The following UBAP2L variants were observed in gnomAD, a reference collection of about 807,000 sequenced individuals.
The protein encoded by UBAP2L is ubiquitin associated protein 2 like.
In UBAP2L, 12 loss-of-function variants were observed where a neutral mutation model predicts 130.6. The ratio of observed to expected loss-of-function variants is 0.09; its 90% CI spans 0.06 to 0.15. UBAP2L has a LOEUF of 0.15. Among genes scored for constraint, UBAP2L ranks in the 10% least tolerant of loss-of-function variants. The pLI, the probability that UBAP2L is intolerant of heterozygous loss-of-function variation, is 1.00. For synonymous variants in UBAP2L, 503 were observed against 524.7 expected, an observed-to-expected ratio of 0.96 and a Z score of 0.57; for missense variants, 965 against 1,332.5, an observed-to-expected ratio of 0.72 and a Z score of 4.29.
At chr1:154,229,702 T>C (rs1021795115) in intron 4 of UBAP2L, among the ~76,000 whole-genome samples, 1 of 152,118 alleles carries the variant, frequency 6.6e-6, no homozygotes, top group Non-Finnish European at 1.5e-5. Flanking sequence ...GGACTCAAGC[T>C]AGCTGCCCGC....
rs1190011348 is a variant in UBAP2L, at chr1:154,259,126, A to G, written c.2496+96A>G. The G allele has an allele frequency of 5.5e-6, 6 of 1,098,578 alleles. No homozygotes were observed. In the Admixed American group the frequency reaches 1.0e-4, roughly 19 times the overall value. The allele number at this position is 1,098,578 out of a possible 1,614,324, so 68.1% of individuals were successfully genotyped here. A position where few individuals can be genotyped will look rare whatever the true frequency, so the allele number is the denominator to read the frequency against. On this transcript the variant is annotated intron_variant, in intron 21 of 26. Transcript: ENST00000428931. ...CACAGACATAGCTCTTTCCCATCCCAGCCCTCCATACACTCTGATTTAAGG... is the reference window on the plus strand; with the variant it reads ...CACAGACATAGCTCTTTCCCATCCCGGCCCTCCATACACTCTGATTTAAGG...
intron 4 of UBAP2L, among the ~76,000 whole-genome samples, chr1:154,233,590 T>A (rs944024369): frequency 3.3e-5 from 5 of 149,414 alleles, no homozygotes; most frequent in Admixed American, 1.3e-4. Context: ...CCCAAAGTGC[T>A]GGGATTACAG....
intron 21 of UBAP2L, among the ~76,000 whole-genome samples, chr1:154,259,430 G>A (rs111394352): frequency 2.6e-5 from 4 of 151,694 alleles, no homozygotes; most frequent in African/African-American, 9.7e-5. Context: ...CTGACCTTAT[G>A]ATCCACCCGC....
In UBAP2L at chr1:154,234,729, C is replaced by T. The variant is rs771701488; in HGVS notation, c.418C>T (p.Arg140Trp). 9 of 1,608,682 alleles carry T rather than the reference C, an allele frequency of 5.6e-6. No homozygotes were observed. The highest frequency in any genetic ancestry group is 3.4e-5 in the Admixed American group (2 of 59,014). ...TCGGCGACGTGGTGGGCCACCAAGA[C>T]GGGGGAGAGGTGCCAGCCGTGGACG... ...YSRRRGGPPR[R>W]GRGASRGREF... Residue 140 changes from arginine (R) to tryptophan (W), a missense_variant, in exon 5 of 27, where the codon CGG (arginine) becomes TGG (tryptophan). Transcript: ENST00000428931.
chr1:154,250,911 C>A, intron 12 of UBAP2L, 130 bp from the exon 13 acceptor site: 2 of 944,826 alleles, frequency 2.1e-6, no homozygotes, highest in East Asian at 2.5e-5. Flanking sequence ...AGATTAAGCC[C>A]CAAAAGAGGG....
At chr1:154,223,687 TAAAA>T (rs1201196497) in intron 1 of UBAP2L, among the ~76,000 whole-genome samples, 6 of 152,144 alleles carry the variant, frequency 3.9e-5, no homozygotes, top group African/African-American at 1.4e-4. Flanking sequence ...GAAGCTACCT[TAAAA>T]AAATCTTTCT....
chr1:154,268,469 A>G (rs1239222056), intron 25 of UBAP2L, among the ~76,000 whole-genome samples: 1 of 152,066 alleles, frequency 6.6e-6, no homozygotes, highest in Non-Finnish European at 1.5e-5. Flanking sequence ...GGGATTACAG[A>G]TGTGAGCCAC....
Position 154,254,831 on chromosome 1 carries a change from A to C in UBAP2L, c.1855-5A>C, listed in dbSNP as rs199517841. ...TTGCTCTTCTGTTTTTTTTTTTTTT[A>C]CCAGAATGGCTTCAGTTCTGTGCAG... On this transcript the variant is annotated splice_region_variant and splice_polypyrimidine_tract_variant and intron_variant, in intron 15 of 26. Transcript: ENST00000428931. 1.4e-6 allele frequency: 2 copies of C among 1,407,218 alleles called. No individual in the cohort carries two copies. The highest frequency in any genetic ancestry group is 9.2e-7 in the Non-Finnish European group (1 of 1,087,388). 87.2% of individuals were successfully genotyped at this position (1,407,218 alleles called of 1,614,324 possible).
intron 8 of UBAP2L, among the ~76,000 whole-genome samples, chr1:154,239,951 C>G (rs1672952867): frequency 6.6e-6 from 1 of 152,024 alleles, no homozygotes; most frequent in African/African-American, 2.4e-5. Flanking sequence ...TTAATATTTT[C>G]CTGGGAAAGT....
chr1:154,227,337 A>G lies in UBAP2L; in HGVS notation c.146A>G (p.Asp49Gly). 1 of 1,613,646 alleles carries G rather than the reference A, an allele frequency of 6.2e-7. No homozygotes were observed. Among genetic ancestry groups the G allele is most frequent in the Non-Finnish European group, 8.5e-7 (1 of 1,179,704 alleles). Residue 49 changes from aspartate to glycine, a missense_variant, in exon 3 of 27, where the codon GAC becomes GGC. Transcript: ENST00000428931. ...ATGATTTCGGACCATAATGATGCTGACTTTGAGGAGAAGGTGAAACAAGTG... is the reference window on the plus strand; with the variant it reads ...ATGATTTCGGACCATAATGATGCTGGCTTTGAGGAGAAGGTGAAACAAGTG... ...AQMISDHNDA[D>G]FEEKVKQLID... is the part of the protein sequence containing the mutation.
At chr1:154,229,276 G>A (rs748180419) in intron 4 of UBAP2L, among the ~76,000 whole-genome samples, 6 of 151,984 alleles carry the variant, frequency 3.9e-5, no homozygotes, top group Non-Finnish European at 7.4e-5. Context: ...GAGATGATAG[G>A]GGATATCTTG....
chr1:154,225,234 G>T (rs750068409), intron 2 of UBAP2L, 21 bp downstream of exon 2: 12 of 1,611,792 alleles, frequency 7.4e-6, no homozygotes, highest in Non-Finnish European at 9.3e-6. Context: ...CAAGGCATAC[G>T]GATTCATGGA....
rs1368936617 is a variant in UBAP2L, at chr1:154,227,348, A to G, written c.157A>G (p.Lys53Glu). 2 of 1,613,196 alleles carry G rather than the reference A, an allele frequency of 1.2e-6. No individual in the cohort carries two copies. The highest frequency in any genetic ancestry group is 1.7e-6 in the Non-Finnish European group (2 of 1,179,346). ...SDHNDADFEE[K>E]VKQLIDITGK... is the part of the protein sequence containing the mutation. ...CCATAATGATGCTGACTTTGAGGAG[A>G]AGGTGAAACAAGTGAGTGTATCACT... The change falls in exon 3 of 27, where the codon AAG becomes GAG. Residue 53 changes from lysine (K) to glutamate (E), a missense_variant. Physicochemically the swap from Lys to Glu is moderately conservative, Grantham distance 56. Around this residue, in one of 9 missense-constraint regions of UBAP2L, gnomAD observed 34 missense variants for 101.4 expected, o/e 0.34. Transcript: ENST00000428931.
intron 8 of UBAP2L, among the ~76,000 whole-genome samples, chr1:154,238,588 G>A (rs1180412178): frequency 6.6e-6 from 1 of 152,144 alleles, no homozygotes; most frequent in African/African-American, 2.4e-5. Context: ...TAGTGTGTGT[G>A]TTAATTTCTA....
chr1:154,253,086 C>G (rs1409820672), intron 14 of UBAP2L, among the ~76,000 whole-genome samples: 6 of 152,108 alleles, frequency 3.9e-5, no homozygotes, highest in Non-Finnish European at 7.4e-5. Flanking sequence ...TCACTGCAAC[C>G]TCTGCCTCCC....
Position 154,254,820 on chromosome 1 carries a change from T to TG in UBAP2L, c.1855-16_1855-15insG, listed in dbSNP as rs761030880. The TG allele has an allele frequency of 1.1e-5, 18 of 1,597,366 alleles. No homozygotes were observed. Among genetic ancestry groups the TG allele is most frequent in the Non-Finnish European group, 1.4e-5 (16 of 1,174,834 alleles). On this transcript the variant is annotated splice_polypyrimidine_tract_variant and intron_variant, in intron 15 of 26. Transcript: ENST00000428931. ...TTGTCTGTTTCTTGCTCTTCTGTTT[T>TG]TTTTTTTTTTACCAGAATGGCTTCA...
At position 154,260,941 on chromosome 1, in the gene UBAP2L, C is replaced by T. The variant is rs904033619; in HGVS notation, c.2628C>T (p.Ala876=). The T allele has an allele frequency of 9.9e-6, 16 of 1,614,114 alleles. No individual in the cohort carries two copies. The highest frequency in any genetic ancestry group is 1.6e-4 in the Middle Eastern group (1 of 6,084). Residue 876 remains alanine (A), a synonymous_variant, in exon 23 of 27, where the codon GCC becomes GCT. Transcript: ENST00000428931. ...GRGDASSPAP[A]TTLAQPQQNQ... ...GGGATGCCTCCTCCCCAGCCCCGGC[C>T]ACAACCTTGGCCCAACCCCAACAGA...
chr1:154,249,512 G>A (rs1676769767), intron 12 of UBAP2L, 75 bp downstream of exon 12: 2 of 1,575,866 alleles, frequency 1.3e-6, no homozygotes, highest in African/African-American at 2.7e-5. Context: ...GGGGGAGGGG[G>A]TGGAGAATGT....
chr1:154,257,498 C>T, intron 20 of UBAP2L, 64 bp downstream of exon 20: 5 of 1,580,680 alleles, frequency 3.2e-6, no homozygotes, highest in Non-Finnish European at 4.3e-6. Context: ...TTTTATAGCT[C>T]TGGCTTCAGA....
Sources: allele counts gnomAD v4.1 joint callset (sites outside exome capture counted in the v4.1 genomes callset), GRCh38; gene constraint gnomAD v4.1.1; regional missense constraint gnomAD v4.1.1; transcripts MANE v1.5; gene names NCBI Gene and HGNC (gene_info 2026-07-23, HGNC 2026-07-21).